Variants in WWC2 observed in about 807,000 individuals in gnomAD.
WWC2 encodes the protein WW and C2 domain containing 2.
WWC2 carries 101 observed loss-of-function variants against 138.5 expected under a neutral mutation model. The observed-to-expected ratio is 0.73, with a 90% CI of 0.62 to 0.86. The LOEUF is 0.86. Ranked by LOEUF, WWC2 falls within the 40% of genes least tolerant of loss-of-function variation. The pLI, the probability that WWC2 is intolerant of heterozygous loss-of-function variation, is 0.00. For missense variants in WWC2, 1,420 were observed against 1,419.4 expected (o/e 1.00, Z -0.01); for synonymous variants, 558 against 538.4 (o/e 1.04, Z -0.50).
chr4:183,244,300 T>C (rs899585817), intron 5 of WWC2, among the ~76,000 whole-genome samples: 6 of 152,150 alleles, frequency 3.9e-5, no homozygotes, highest in Non-Finnish European at 8.8e-5. Flanking sequence ...AAACTATTTT[T>C]TTAAAAGAAT....
intron 20 of WWC2, among the ~76,000 whole-genome samples, chr4:183,286,683 G>A (rs548832732): frequency 3.9e-5 from 6 of 152,144 alleles, no homozygotes; most frequent in Non-Finnish European, 7.4e-5. Context: ...GAAAATATTT[G>A]TTTACTGTGA....
intron 8 of WWC2, among the ~76,000 whole-genome samples, chr4:183,253,414 C>G (rs1280415894): frequency 6.6e-6 from 1 of 152,198 alleles, no homozygotes; most frequent in Admixed American, 6.5e-5. Flanking sequence ...CACAGGCAGT[C>G]ACACGTCAGA....
intron 1 of WWC2, among the ~76,000 whole-genome samples, chr4:183,105,265 C>T (rs1743313772): frequency 1.3e-5 from 2 of 152,196 alleles, no homozygotes; most frequent in Non-Finnish European, 2.9e-5. Context: ...GACATGTGGC[C>T]TTCAACAAGT....
intron 4 of WWC2, among the ~76,000 whole-genome samples, chr4:183,213,015 A>G (rs1444678718): frequency 1.3e-5 from 2 of 152,198 alleles, no homozygotes; most frequent in Non-Finnish European, 2.9e-5. Flanking sequence ...ATATTCATAC[A>G]TAACTATAAT....
At chr4:183,141,400 A>G (rs1271564205) in intron 1 of WWC2, among the ~76,000 whole-genome samples, 2 of 152,122 alleles carry the variant, frequency 1.3e-5, no homozygotes, top group Non-Finnish European at 2.9e-5. Context: ...TTATGACCTC[A>G]TTTATCCTTA....
At chr4:183,265,376 TC>T (rs1487028363) in intron 12 of WWC2, among the ~76,000 whole-genome samples, 3 of 152,232 alleles carry the variant, frequency 2.0e-5, no homozygotes, top group Non-Finnish European at 4.4e-5. Flanking sequence ...TTGGAAGAAT[TC>T]ACCAGACCCT....
intron 4 of WWC2, among the ~76,000 whole-genome samples, chr4:183,231,485 A>G (rs62356738): frequency 6.6e-6 from 1 of 151,572 alleles, no homozygotes; most frequent in Non-Finnish European, 1.5e-5. Context: ...GGCCAGGCTG[A>G]TCTTGAACTC....
At chr4:183,232,959 A>G (rs189619470) in intron 4 of WWC2, among the ~76,000 whole-genome samples, 2 of 152,018 alleles carry the variant, frequency 1.3e-5, no homozygotes, top group Admixed American at 1.3e-4. Context: ...TATTTTATTT[A>G]TCCAGTCATC....
intron 1 of WWC2, among the ~76,000 whole-genome samples, chr4:183,133,734 A>ATC (rs1733018734): frequency 6.6e-6 from 1 of 152,136 alleles, no homozygotes; most frequent in South Asian, 2.1e-4. Context: ...TCACCTCGTG[A>ATC]TCTGCCCACC....
At chr4:183,188,303 A>G (rs1019460081) in intron 1 of WWC2, among the ~76,000 whole-genome samples, 3 of 152,144 alleles carry the variant, frequency 2.0e-5, no homozygotes, top group Admixed American at 6.5e-5. Context: ...CAGTGGCACA[A>G]TCTTGGCTCA....
chr4:183,283,658 T>A (rs1044083809), intron 18 of WWC2, among the ~76,000 whole-genome samples: 2 of 152,250 alleles, frequency 1.3e-5, no homozygotes, highest in Non-Finnish European at 2.9e-5. Flanking sequence ...CTTCCATTTT[T>A]ACTTAGGTTT....
At chr4:183,259,088 A>C (rs1227575025) in intron 9 of WWC2, among the ~76,000 whole-genome samples, 2 of 152,200 alleles carry the variant, frequency 1.3e-5, no homozygotes, top group African/African-American at 2.4e-5. Flanking sequence ...TCTTCCCTAA[A>C]CAGTTGAGCC....
chr4:183,250,833 C>T (rs1736957076), intron 8 of WWC2, among the ~76,000 whole-genome samples: 1 of 152,106 alleles, frequency 6.6e-6, no homozygotes, highest in Non-Finnish European at 1.5e-5. Flanking sequence ...TCCCCATGAC[C>T]ATGAAAAGCT....
chr4:183,151,603 A>G (rs370599602), intron 1 of WWC2, among the ~76,000 whole-genome samples: 1 of 152,292 alleles, frequency 6.6e-6, no homozygotes, highest in African/African-American at 2.4e-5. Context: ...TTTAGACATG[A>G]AGTCCTTGTC....
At chr4:183,161,050 C>A (rs1733949383) in intron 1 of WWC2, among the ~76,000 whole-genome samples, 1 of 151,776 alleles carries the variant, frequency 6.6e-6, no homozygotes, top group Admixed American at 6.6e-5. Flanking sequence ...AAAAAAAAAT[C>A]ATGAAACAGG....
At chr4:183,101,159 CAAT>C (rs1743168667) in intron 1 of WWC2, among the ~76,000 whole-genome samples, 2 of 152,274 alleles carry the variant, frequency 1.3e-5, no homozygotes, top group South Asian at 4.1e-4. Context: ...ATTGAAATAA[CAAT>C]AAATTCTTGA....
chr4:183,106,133 GC>G (rs1318405641), intron 1 of WWC2, among the ~76,000 whole-genome samples: 1 of 150,178 alleles, frequency 6.7e-6, no homozygotes, highest in East Asian at 2.1e-4. Flanking sequence ...ATAGGCTCTC[GC>G]CACCACGCCC....
At chr4:183,140,938 T>C (rs1733283396) in intron 1 of WWC2, among the ~76,000 whole-genome samples, 1 of 152,196 alleles carries the variant, frequency 6.6e-6, no homozygotes, top group African/African-American at 2.4e-5. Context: ...GAAATGAGGG[T>C]ACTAGTCATG....
chr4:183,198,495 T>TTAAATG (rs1226130953), intron 2 of WWC2, among the ~76,000 whole-genome samples: 3 of 152,120 alleles, frequency 2.0e-5, no homozygotes, highest in Non-Finnish European at 4.4e-5. Context: ...ACACACAGCT[T>TTAAATG]TAAATGTATT....
Sources: gnomAD v4.1 joint callset for allele counts (sites outside exome capture counted in the v4.1 genomes callset) on GRCh38, gnomAD v4.1.1 for gene constraint, MANE v1.5 for transcripts, NCBI Gene and HGNC (gene_info 2026-07-23, HGNC 2026-07-21) for gene names.